The following TOX4 variants were observed in gnomAD, a reference collection of about 807,000 sequenced individuals.
TOX4 encodes epidermal Langerhans cell protein LCP1.
A neutral mutation model predicts 61.0 loss-of-function variants in TOX4; 12 were observed. The ratio of observed to expected loss-of-function variants is 0.20; its 90% CI spans 0.13 to 0.32. TOX4 has a LOEUF of 0.32. Ranked by LOEUF, TOX4 falls within the 10% of genes least tolerant of loss-of-function variation. TOX4 has a pLI of 1.00. For missense variants in TOX4, 499 were observed against 753.3 expected, an observed-to-expected ratio of 0.66 and a Z score of 3.95; for synonymous variants, 268 against 274.8, an observed-to-expected ratio of 0.98 and a Z score of 0.24.
intron 6 of TOX4, 33 bp downstream of exon 6, chr14:21,492,409 C>A (rs1401221327): frequency 6.2e-7 from 1 of 1,610,962 alleles, no homozygotes; most frequent in South Asian, 1.1e-5. Flanking sequence ...AATATTTAAA[C>A]CAGTAAGAAG....
intron 2 of TOX4, among the ~76,000 whole-genome samples, chr14:21,478,795 T>C (rs939319515): frequency 2.0e-5 from 3 of 151,936 alleles, no homozygotes; most frequent in African/African-American, 7.2e-5. Flanking sequence ...CAGTTGCTAG[T>C]TTAACTTTTT....
At chr14:21,482,001 TC>T (rs1455394355) in intron 2 of TOX4, among the ~76,000 whole-genome samples, 19 of 152,292 alleles carry the variant, frequency 1.2e-4, no homozygotes, top group African/African-American at 4.3e-4. Flanking sequence ...ATGTAAAAAA[TC>T]CATTAAGCTA....
chr14:21,489,250 T>C lies in TOX4; in HGVS notation c.657T>C (p.Asp219=). Residue 219 remains aspartate (D), a synonymous_variant, in exon 5 of 9, where the codon GAT becomes GAC. Transcript: ENST00000448790. ...CCCCAAAGAAGAGAAAAAAGAAAGA[T>C]CCTAATGAACCTCAGAAACCAGTTT... ...QKAPKKRKKK[D]PNEPQKPVSA... is the part of the protein sequence containing the mutation. 6.2e-7 allele frequency: 1 copy of C among 1,614,134 alleles called. No individual in the cohort carries two copies. Among genetic ancestry groups the C allele is most frequent in the Non-Finnish European group, 8.5e-7 (1 of 1,180,018 alleles).
Position 21,487,628 on chromosome 14 carries a change from C to A in TOX4, c.253C>A (p.Pro85Thr). The A allele has an allele frequency of 6.2e-7, 1 of 1,614,096 alleles. No individual in the cohort carries two copies. Among genetic ancestry groups the A allele is most frequent in the South Asian group, 1.1e-5 (1 of 91,076 alleles). Reference sequence around the variant, plus strand: ...GTATGGGGTCCAGACATTGGACATGCCTGTGGGCATGACCCATGGCTTGAT... The same window carrying A: ...GTATGGGGTCCAGACATTGGACATGACTGTGGGCATGACCCATGGCTTGAT... ...AQYGVQTLDM[P>T]VGMTHGLMEQ... The change falls in exon 3 of 9, where the codon CCT (proline) becomes ACT (threonine). Residue 85 changes from proline (P) to threonine (T), a missense_variant. Transcript: ENST00000448790.
Position 21,498,123 on chromosome 14 carries a change from G to A in TOX4, c.*1517G>A. 1 of 627,890 alleles carries A rather than the reference G, an allele frequency of 1.6e-6. No homozygotes were observed. Among genetic ancestry groups the A allele is most frequent in the Non-Finnish European group, 2.8e-6 (1 of 356,410 alleles). The allele number at this position is 627,890 out of a possible 1,614,324, so 38.9% of individuals were successfully genotyped here. A position where few individuals can be genotyped will look rare whatever the true frequency, so the allele number is the denominator to read the frequency against. On this transcript the variant is annotated 3_prime_UTR_variant, in exon 9 of 9. Transcript: ENST00000448790. Reference sequence around the variant, plus strand: ...TATACACTGTTAAGTAGCAGAGCCAGAATGGACTTCAGAATCCCAACTACA... The same window carrying A: ...TATACACTGTTAAGTAGCAGAGCCAAAATGGACTTCAGAATCCCAACTACA...
At chr14:21,492,207 G>A in intron 5 of TOX4, 89 bp from the exon 6 acceptor site, 1 of 1,210,014 alleles carries the variant, frequency 8.3e-7, no homozygotes, top group Non-Finnish European at 1.2e-6. Context: ...AAGATGAATT[G>A]TCATTCATTG....
chr14:21,494,981 A>G (rs569088771), intron 7 of TOX4, among the ~76,000 whole-genome samples: 1 of 81,938 alleles, frequency 1.2e-5, no homozygotes, highest in South Asian at 4.4e-4. Context: ...CTTAACAGGG[A>G]AAAAAAAGCA....
At chr14:21,477,625 TGGG>T in intron 2 of TOX4, 61 bp downstream of exon 2, 1 of 1,579,830 alleles carries the variant, frequency 6.3e-7, no homozygotes, top group South Asian at 1.1e-5. Context: ...GGTAGGGTAG[TGGG>T]GAGGAGAGCA....
rs1891318355 is a variant in TOX4, at chr14:21,492,709, A to G, written c.1093A>G (p.Ile365Val). ...ASSGAGGQPN[I>V]TKLIITKQML... ...TTCTGGAGCTGGGGGTCAGCCCAAT[A>G]TCACCAAGTTGATTATTACCAAACA... Residue 365 changes from isoleucine to valine, a missense_variant, in exon 7 of 9, where the codon ATC becomes GTC. Ile to Val is a conservative substitution (Grantham distance 29). Coordinates refer to ENST00000448790, the MANE Select transcript of TOX4 (RefSeq NM_014828.4). The G allele has an allele frequency of 3.1e-6, 5 of 1,614,018 alleles. No homozygotes were observed. The highest frequency in any genetic ancestry group is 4.2e-6 in the Non-Finnish European group (5 of 1,180,036).
intron 2 of TOX4, among the ~76,000 whole-genome samples, chr14:21,477,791 T>G (rs541122356): frequency 6.6e-6 from 1 of 152,326 alleles, no homozygotes; most frequent in Non-Finnish European, 1.5e-5. Flanking sequence ...ATAACCTGTT[T>G]AAAGAGAAAA....
chr14:21,493,155 A>T lies in TOX4; in HGVS notation c.1539A>T (p.Glu513Asp). ...CTACCTTAGTCCCACCAACTGTGGA[A>T]AGTAGTCCTGAGCGGCCTATGAACA... The part of the protein sequence containing the change: ...MQTTLVPPTV[E>D]SSPERPMNNS... Residue 513 changes from glutamate to aspartate, a missense_variant, in exon 7 of 9, where the codon GAA becomes GAT. Glu to Asp is a conservative substitution (Grantham distance 45). Transcript: ENST00000448790. 6.2e-7 allele frequency: 1 copy of T among 1,614,196 alleles called. No homozygotes were observed. The highest frequency in any genetic ancestry group is 8.5e-7 in the Non-Finnish European group (1 of 1,180,020).
Position 21,493,008 on chromosome 14 carries a change from GCAGCCTCCTCCACTCCAGGCCATGCAA to G in TOX4, c.1401_1427del (p.Leu469_Pro477del). The G allele has an allele frequency of 1.2e-6, 2 of 1,613,536 alleles. No individual in the cohort carries two copies. The highest frequency in any genetic ancestry group is 1.7e-6 in the Non-Finnish European group (2 of 1,179,706). ...CTCAGCAGCAAGTTACCATTCTGCA[GCAGCCTCCTCCACTCCAGGCCATGCAA>G]CAGCCTCCACCTCAGAAAGTTCGAA... On this transcript the variant is annotated inframe_deletion, in exon 7 of 9. Transcript: ENST00000448790.
intron 2 of TOX4, among the ~76,000 whole-genome samples, chr14:21,482,121 G>C (rs1165790250): frequency 6.6e-6 from 1 of 152,192 alleles, no homozygotes. Flanking sequence ...GAGGCGGAAA[G>C]TTCTATGATC....
intron 5 of TOX4, among the ~76,000 whole-genome samples, chr14:21,489,970 C>G (rs1259722819): frequency 6.6e-6 from 1 of 151,096 alleles, no homozygotes; most frequent in Non-Finnish European, 1.5e-5. Context: ...TTGCTTGAGC[C>G]CATGAGTTCG....
chr14:21,491,552 A>G (rs1027515035), intron 5 of TOX4, among the ~76,000 whole-genome samples: 4 of 150,288 alleles, frequency 2.7e-5, no homozygotes, highest in Non-Finnish European at 5.9e-5. Context: ...TTTAGTAGAG[A>G]TCGGGTTTCA....
chr14:21,482,312 C>T (rs1347663913), intron 2 of TOX4, among the ~76,000 whole-genome samples: 1 of 152,144 alleles, frequency 6.6e-6, no homozygotes, highest in African/African-American at 2.4e-5. Flanking sequence ...TTCACTACTA[C>T]ATCAGTTTTT....
At chr14:21,496,525 G>T in intron 8 of TOX4, 21 bp from the exon 9 acceptor site, 2 of 1,603,962 alleles carry the variant, frequency 1.2e-6, no homozygotes, top group Non-Finnish European at 1.7e-6. Context: ...TTCTGTTTGT[G>T]TATGTCTTTT....
At chr14:21,493,505 G>A (rs559821321) in intron 7 of TOX4, among the ~76,000 whole-genome samples, 6 of 152,002 alleles carry the variant, frequency 3.9e-5, no homozygotes, top group South Asian at 2.1e-4. Flanking sequence ...GCAATGGTGC[G>A]ATCTCGGCTC....
chr14:21,495,325 C>T lies in TOX4; in HGVS notation c.1738C>T (p.Pro580Ser). The T allele has an allele frequency of 1.9e-6, 3 of 1,614,108 alleles. No homozygotes were observed. The highest frequency in any genetic ancestry group is 2.5e-6 in the Non-Finnish European group (3 of 1,180,010). Residue 580 changes from proline to serine, a missense_variant, in exon 8 of 9, where the codon CCT becomes TCT. Physicochemically the swap from Pro to Ser is moderately conservative, Grantham distance 74. This residue lies in a region of TOX4 where 296 missense variants were observed against 404.7 expected (regional missense o/e 0.73). Transcript: ENST00000448790. ...PRCVRSGCEN[P>S]PIVSKDWDNE... ...ATGTGTGAGGTCTGGTTGTGAGAAC[C>T]CTCCCATTGTGAGTAAGGACTGGGA...
Sources: gnomAD v4.1 joint callset for allele counts (sites outside exome capture counted in the v4.1 genomes callset) on GRCh38, gnomAD v4.1.1 for gene constraint, gnomAD v4.1.1 regional missense constraint, MANE v1.5 for transcripts, NCBI Gene and HGNC (gene_info 2026-07-23, HGNC 2026-07-21) for gene names.